The following LARP1 variants were observed in gnomAD, a reference collection of about 807,000 sequenced individuals.
LARP1 encodes La ribonucleoprotein 1, translational regulator.
Under a neutral mutation model 122.7 loss-of-function variants are expected in LARP1, and 36 were observed. That is an observed-to-expected ratio of 0.29 (90% confidence interval 0.22 to 0.39). LARP1 has a LOEUF of 0.39. LARP1 is among the 10% of genes least tolerant of loss of function. LARP1 has a pLI of 1.00. For missense variants in LARP1, 1,040 were observed against 1,403.6 expected (o/e 0.74, Z 4.14); for synonymous variants, 539 against 528.7 (o/e 1.02, Z -0.27).
intron 8 of LARP1, 126 bp from the exon 9 acceptor site, chr5:154,799,465 T>C (rs1429966192): frequency 1.1e-6 from 1 of 933,854 alleles, no homozygotes; most frequent in African/African-American, 1.7e-5. Flanking sequence ...ATGGTGTCAA[T>C]TTTCTTATAT....
intron 1 of LARP1, among the ~76,000 whole-genome samples, chr5:154,718,962 A>G (rs1755687652): frequency 6.6e-6 from 1 of 152,214 alleles, no homozygotes; most frequent in South Asian, 2.1e-4. Context: ...TCATGTGGCA[A>G]GGCAAGGCAG....
At chr5:154,733,639 T>C (rs1756713780) in intron 1 of LARP1, among the ~76,000 whole-genome samples, 1 of 152,014 alleles carries the variant, frequency 6.6e-6, no homozygotes, top group African/African-American at 2.4e-5. Flanking sequence ...CTTGGCTTAC[T>C]GCAACCTCTG....
At chr5:154,706,310 T>C (rs1001468476) in intron 1 of LARP1, among the ~76,000 whole-genome samples, 1 of 148,244 alleles carries the variant, frequency 6.7e-6, no homozygotes, top group African/African-American at 2.5e-5. Flanking sequence ...ATAATAATAA[T>C]AATAATAATA....
At chr5:154,712,835 G>T, upstream of LARP1, 1 of 1,160,826 alleles carries the variant, frequency 8.6e-7, no homozygotes, top group Non-Finnish European at 1.3e-6. Flanking sequence ...AACCTGGAGA[G>T]CTCCCGGGCC....
At chr5:154,748,430 A>C (rs942682692) in intron 1 of LARP1, among the ~76,000 whole-genome samples, 3 of 152,182 alleles carry the variant, frequency 2.0e-5, no homozygotes, top group African/African-American at 7.2e-5. Flanking sequence ...GCATTCTCAT[A>C]AGTAACCATA....
At chr5:154,774,981 C>T (rs1319978935) in intron 1 of LARP1, among the ~76,000 whole-genome samples, 1 of 152,034 alleles carries the variant, frequency 6.6e-6, no homozygotes, top group African/African-American at 2.4e-5. Context: ...AACAGGAGGC[C>T]CTTTGAATGG....
chr5:154,777,341 T>C (rs1353426079), intron 1 of LARP1, among the ~76,000 whole-genome samples: 1 of 148,052 alleles, frequency 6.8e-6, no homozygotes, highest in Non-Finnish European at 1.5e-5. Context: ...TGAAACCCCA[T>C]CTCTGCTAAA....
intron 1 of LARP1, among the ~76,000 whole-genome samples, chr5:154,740,798 G>C (rs1055012051): frequency 4.6e-5 from 7 of 152,214 alleles, no homozygotes; most frequent in African/African-American, 1.7e-4. Flanking sequence ...CATGGTGGAG[G>C]CATCTTTGGA....
At chr5:154,805,725 C>T (rs1758721868) in intron 14 of LARP1, 156 bp from the exon 15 acceptor site, 2 of 718,606 alleles carry the variant, frequency 2.8e-6, no homozygotes, top group African/African-American at 3.6e-5. Context: ...TAATCAGACC[C>T]ATGGATATAA....
At chr5:154,724,666 A>AC (rs373427705) in intron 1 of LARP1, among the ~76,000 whole-genome samples, 6 of 144,604 alleles carry the variant, frequency 4.1e-5, no homozygotes, top group Non-Finnish European at 9.1e-5. Context: ...TTCACTGGGA[A>AC]TTTTTTTTTT....
At chr5:154,762,762 C>CCTTA (rs1754565213) in intron 1 of LARP1, among the ~76,000 whole-genome samples, 1 of 152,158 alleles carries the variant, frequency 6.6e-6, no homozygotes, top group African/African-American at 2.4e-5. Context: ...GTGGTAACCA[C>CCTTA]CTTACTCTCA....
At chr5:154,806,065 T>C (rs1758751695) in intron 15 of LARP1, 33 bp downstream of exon 15, 1 of 1,608,058 alleles carries the variant, frequency 6.2e-7, no homozygotes, top group African/African-American at 1.3e-5. Context: ...GATGAGCCTC[T>C]GGGCCCGTTA....
intron 1 of LARP1, among the ~76,000 whole-genome samples, chr5:154,775,493 CA>C (rs138027824): frequency 0.033 from 3,293 of 100,146 alleles, 32 homozygotes; most frequent in East Asian, 0.06. Context: ...GACCCTCCCT[CA>C]AAAAAAAAAA....
chr5:154,698,289 T>C (rs922777896), intron 1 of LARP1, among the ~76,000 whole-genome samples: 5 of 152,212 alleles, frequency 3.3e-5, no homozygotes, highest in African/African-American at 1.2e-4. Context: ...TTTGAGGTGA[T>C]GAAAATATTC....
intron 1 of LARP1, among the ~76,000 whole-genome samples, chr5:154,703,146 A>AG (rs1309120297): frequency 4.8e-4 from 73 of 150,884 alleles, no homozygotes; most frequent in African/African-American, 1.8e-3. Flanking sequence ...AAAAAAAAAA[A>AG]AGAGAGGACA....
upstream of LARP1, among the ~76,000 whole-genome samples, chr5:154,755,341 G>A (rs1228995711): frequency 6.0e-5 from 9 of 150,022 alleles, no homozygotes; most frequent in Non-Finnish European, 1.3e-4. Context: ...CGCGGATCGC[G>A]TGGTCTGCTT....
chr5:154,761,505 CT>C lies in LARP1; in HGVS notation c.436+5315del, dbSNP rs1488884150. ...CAGCCGGCCTGAAACTACAAAACCT[CT>C]TTAAGATGGAGAGCTTGGCAGATGG... On this transcript the variant is annotated intron_variant, in intron 1 of 18. Coordinates refer to ENST00000518297, the MANE Select transcript of LARP1 (RefSeq NM_033551.3). Among the ~76,000 whole-genome samples, 13 of 152,232 alleles carry C rather than the reference CT, an allele frequency of 8.5e-5. 2 individuals are homozygous for C. Among genetic ancestry groups the C allele is most frequent in the Middle Eastern group, 3.4e-3 (1 of 294 alleles).
chr5:154,710,697 C>T (rs1185357389), upstream of LARP1, among the ~76,000 whole-genome samples: 5 of 141,624 alleles, frequency 3.5e-5, no homozygotes, highest in African/African-American at 1.3e-4. Context: ...GAGCCAAGAT[C>T]GCGGCACAGC....
chr5:154,796,129 ATT>A (rs1207148898), intron 8 of LARP1, among the ~76,000 whole-genome samples: 2 of 124,374 alleles, frequency 1.6e-5, no homozygotes, highest in African/African-American at 6.2e-5. Flanking sequence ...TATTATATAT[ATT>A]TTATATATTT....
Sources: allele counts gnomAD v4.1 joint callset (sites outside exome capture counted in the v4.1 genomes callset), GRCh38; gene constraint gnomAD v4.1.1; transcripts MANE v1.5; gene names NCBI Gene and HGNC (gene_info 2026-07-23, HGNC 2026-07-21).